Variants in AK8 observed in about 807,000 individuals in gnomAD.
AK8 encodes the protein adenylate kinase 8, also known as ATP-AMP transphosphorylase 8.
In AK8, 44 loss-of-function variants were observed where a neutral mutation model predicts 54.6. That is an observed-to-expected ratio of 0.81 (90% confidence interval 0.63 to 1.04). AK8 has a LOEUF of 1.04. Among genes scored for constraint, AK8 ranks in the 50% least tolerant of loss-of-function variants. The pLI, the probability that AK8 is intolerant of heterozygous loss-of-function variation, is 0.00. For missense variants in AK8, 555 were observed against 613.6 expected (o/e 0.90, Z 1.01); for synonymous variants, 239 against 245.6 (o/e 0.97, Z 0.25).
intron 5 of AK8, among the ~76,000 whole-genome samples, chr9:132,839,190 C>T (rs953781507): frequency 2.0e-5 from 3 of 152,180 alleles, no homozygotes; most frequent in East Asian, 1.9e-4. Flanking sequence ...AAGATCCACC[C>T]GCCTAGGCCT....
chr9:132,737,032 A>G (rs935801644), intron 11 of AK8, among the ~76,000 whole-genome samples: 18 of 152,084 alleles, frequency 1.2e-4, no homozygotes, highest in African/African-American at 3.6e-4. Context: ...TGGGATGACA[A>G]AAAAGTTCTG....
intron 9 of AK8, 92 bp from the exon 10 acceptor site, chr9:132,814,819 A>C (rs557599889): frequency 1.1e-5 from 9 of 783,130 alleles, no homozygotes; most frequent in Non-Finnish European, 1.7e-5. Context: ...CTGCTGAGGG[A>C]AAAAAAAAAG....
At chr9:132,755,224 A>T (rs1590200708) in intron 11 of AK8, among the ~76,000 whole-genome samples, 1 of 152,228 alleles carries the variant, frequency 6.6e-6, no homozygotes, top group East Asian at 1.9e-4. Flanking sequence ...CATATTTTCC[A>T]TGTGTCAGAG....
intron 11 of AK8, among the ~76,000 whole-genome samples, chr9:132,750,243 C>T (rs554538855): frequency 2.0e-5 from 3 of 151,934 alleles, no homozygotes; most frequent in East Asian, 1.9e-4. Context: ...CTCAGCCTCC[C>T]GAGTAGCTGG....
At chr9:132,772,769 T>G (rs73659478) in intron 11 of AK8, among the ~76,000 whole-genome samples, 4,978 of 152,272 alleles carry the variant, frequency 0.033, 268 homozygotes, top group African/African-American at 0.11. Flanking sequence ...AGCAAGCACC[T>G]GAGCTCTCTG....
At chr9:132,782,059 T>C (rs1839497300) in intron 11 of AK8, among the ~76,000 whole-genome samples, 1 of 152,190 alleles carries the variant, frequency 6.6e-6, no homozygotes, top group Admixed American at 6.5e-5. Flanking sequence ...TCCTTCGCCC[T>C]AGGGTCAAAT....
intron 6 of AK8, 105 bp from the exon 7 acceptor site, chr9:132,828,189 A>C: frequency 9.9e-7 from 1 of 1,011,346 alleles, no homozygotes; most frequent in East Asian, 2.6e-5. Flanking sequence ...GCTTTTCTGT[A>C]TAATGACATT....
intron 10 of AK8, among the ~76,000 whole-genome samples, chr9:132,793,526 C>T (rs1654463723): frequency 6.6e-6 from 1 of 152,206 alleles, no homozygotes; most frequent in Non-Finnish European, 1.5e-5. Flanking sequence ...AACGCCCACT[C>T]CCCTTTCCCA....
At chr9:132,861,044 G>T (rs531114207) in intron 4 of AK8, among the ~76,000 whole-genome samples, 1 of 152,332 alleles carries the variant, frequency 6.6e-6, no homozygotes, top group South Asian at 2.1e-4. Flanking sequence ...GCAGGGGATG[G>T]ATCCATGGGG....
intron 11 of AK8, among the ~76,000 whole-genome samples, chr9:132,750,244 G>A (rs111878018): frequency 2.6e-5 from 4 of 151,892 alleles, no homozygotes; most frequent in Admixed American, 2.0e-4. Context: ...TCAGCCTCCC[G>A]AGTAGCTGGG....
chr9:132,742,155 T>A (rs761202352), intron 11 of AK8, among the ~76,000 whole-genome samples: 2 of 151,320 alleles, frequency 1.3e-5, no homozygotes, highest in African/African-American at 2.4e-5. Flanking sequence ...CATCCACGAG[T>A]TGATGGACTT....
At chr9:132,792,367 T>A (rs762507018) in intron 11 of AK8, among the ~76,000 whole-genome samples, 3 of 152,236 alleles carry the variant, frequency 2.0e-5, no homozygotes, top group Non-Finnish European at 4.4e-5. Context: ...TTGATTTGTA[T>A]AACAATTCCC....
chr9:132,829,225 T>C (rs1842008177), intron 5 of AK8, among the ~76,000 whole-genome samples: 1 of 152,206 alleles, frequency 6.6e-6, no homozygotes, highest in Admixed American at 6.5e-5. Context: ...CCCAAAGTGC[T>C]GGGATTACAG....
intron 11 of AK8, among the ~76,000 whole-genome samples, chr9:132,782,624 G>A (rs1004982120): frequency 6.6e-5 from 10 of 152,148 alleles, no homozygotes; most frequent in Admixed American, 2.0e-4. Context: ...GGAAGGCGGA[G>A]GTTGTAGTGA....
At chr9:132,859,894 A>T (rs1564443527) in intron 4 of AK8, among the ~76,000 whole-genome samples, 1 of 152,054 alleles carries the variant, frequency 6.6e-6, no homozygotes, top group African/African-American at 2.4e-5. Context: ...TGTTAGGGCC[A>T]CTACTGTGGG....
intron 5 of AK8, among the ~76,000 whole-genome samples, chr9:132,829,784 G>A (rs1482548980): frequency 6.6e-6 from 1 of 151,952 alleles, no homozygotes; most frequent in Non-Finnish European, 1.5e-5. Flanking sequence ...TTGAACTCCT[G>A]GGCTCGAGCA....
chr9:132,854,677 T>C (rs1298232929), intron 5 of AK8, among the ~76,000 whole-genome samples, 180 bp downstream of exon 5: 1 of 152,256 alleles, frequency 6.6e-6, no homozygotes, highest in African/African-American at 2.4e-5. Context: ...AATTCCACAC[T>C]GTTCCTTTTC....
Position 132,790,850 on chromosome 9 carries a change from A to G in AK8, c.1121+1784T>C, listed in dbSNP as rs1043593992. On this transcript the variant is annotated intron_variant, in intron 11 of 12. Coordinates refer to ENST00000298545, the MANE Select transcript of AK8 (RefSeq NM_152572.3). This position sits in a 1 kb window ranked among gnomAD's most constrained non-coding sequence, Gnocchi z 4.1. ...TGAGAAGGTGGCTGGGGTATAAAAT[A>G]AGTAAGCCAAAATCAATGTCTTTTG... Among the ~76,000 whole-genome samples the G allele has an allele frequency of 6.6e-6, 1 of 152,184 alleles. No individual in the cohort carries two copies. The highest frequency in any genetic ancestry group is 1.5e-5 in the Non-Finnish European group (1 of 68,036).
At chr9:132,783,864 C>G (rs1839579959) in intron 11 of AK8, among the ~76,000 whole-genome samples, 1 of 152,060 alleles carries the variant, frequency 6.6e-6, no homozygotes, top group African/African-American at 2.4e-5. Context: ...AGAAAACAGT[C>G]AGTTACCATG....
Sources: allele counts gnomAD v4.1 joint callset (sites outside exome capture counted in the v4.1 genomes callset), GRCh38; gene constraint gnomAD v4.1.1; non-coding constraint Gnocchi (gnomAD v3.1); transcripts MANE v1.5; gene names NCBI Gene and HGNC (gene_info 2026-07-23, HGNC 2026-07-21).